The following LEKR1 variants were observed in gnomAD, a reference collection of about 807,000 sequenced individuals.
LEKR1 encodes protein LEKR1.
A neutral mutation model predicts 72.4 loss-of-function variants in LEKR1; 59 were observed. The ratio of observed to expected loss-of-function variants is 0.82; its 90% CI spans 0.66 to 1.01. LEKR1 has a LOEUF of 1.01. Among genes scored for constraint, LEKR1 ranks in the 50% least tolerant of loss-of-function variants. LEKR1 has a pLI of 0.00. For synonymous variants in LEKR1, 257 were observed against 263.2 expected (o/e 0.98, Z 0.23); for missense variants, 728 against 759.2 (o/e 0.96, Z 0.48).
chr3:156,931,436 A>T (rs1484260310), intron 5 of LEKR1, among the ~76,000 whole-genome samples: 2 of 152,176 alleles, frequency 1.3e-5, no homozygotes, highest in Non-Finnish European at 2.9e-5. Flanking sequence ...AATATCTGAC[A>T]GTTTCTCATT....
intron 6 of LEKR1, among the ~76,000 whole-genome samples, chr3:156,978,743 T>A (rs891161801): frequency 6.6e-6 from 1 of 152,140 alleles, no homozygotes. Context: ...TTCTTTACTA[T>A]GAGCCTGGAA....
chr3:156,985,331 T>A (rs1486747020), intron 7 of LEKR1, among the ~76,000 whole-genome samples: 1 of 152,090 alleles, frequency 6.6e-6, no homozygotes, highest in Non-Finnish European at 1.5e-5. Context: ...AGTTAAGATA[T>A]GAATAACAGA....
chr3:156,873,662 A>G (rs1025192468), intron 3 of LEKR1, among the ~76,000 whole-genome samples: 5 of 151,952 alleles, frequency 3.3e-5, no homozygotes, highest in African/African-American at 9.6e-5. Flanking sequence ...TTCCTTAAGC[A>G]TTTCTTGTAG....
At chr3:156,843,845 G>A (rs1022738862) in intron 2 of LEKR1, among the ~76,000 whole-genome samples, 2 of 152,032 alleles carry the variant, frequency 1.3e-5, no homozygotes, top group South Asian at 2.1e-4. Flanking sequence ...GTGTGTGTGT[G>A]GACGTTTATG....
intron 5 of LEKR1, among the ~76,000 whole-genome samples, chr3:156,931,117 ATAGT>A (rs1363961267): frequency 1.6e-4 from 25 of 152,270 alleles, no homozygotes; most frequent in Admixed American, 8.5e-4. Flanking sequence ...ATGAAAATGA[ATAGT>A]TAAATCAGAG....
intron 2 of LEKR1, among the ~76,000 whole-genome samples, chr3:156,842,641 A>G (rs973965449): frequency 3.3e-5 from 5 of 152,242 alleles, no homozygotes; most frequent in Non-Finnish European, 7.3e-5. Context: ...CAAAAAATGT[A>G]AAGGTGGTAG....
intron 3 of LEKR1, among the ~76,000 whole-genome samples, chr3:156,905,347 C>T (rs1187526799): frequency 6.6e-6 from 1 of 151,990 alleles, no homozygotes; most frequent in East Asian, 1.9e-4. Flanking sequence ...ACTATCCTAA[C>T]AGTAAGGGTA....
chr3:156,890,379 A>G (rs1264979955), intron 3 of LEKR1, among the ~76,000 whole-genome samples: 1 of 152,176 alleles, frequency 6.6e-6, no homozygotes, highest in Non-Finnish European at 1.5e-5. Flanking sequence ...CCTAAGAGCA[A>G]TCTAAATCAG....
intron 2 of LEKR1, among the ~76,000 whole-genome samples, chr3:156,848,224 G>A (rs963644786): frequency 2.6e-5 from 4 of 152,140 alleles, no homozygotes; most frequent in Non-Finnish European, 4.4e-5. Flanking sequence ...ATATTTCTGA[G>A]GGCTGATAGT....
At chr3:156,938,986 T>C (rs998887966) in intron 5 of LEKR1, among the ~76,000 whole-genome samples, 2 of 152,240 alleles carry the variant, frequency 1.3e-5, no homozygotes, top group Non-Finnish European at 2.9e-5. Context: ...TAGTGAATTA[T>C]GTGATAACAC....
At chr3:156,947,696 A>T (rs1263140441) in intron 6 of LEKR1, among the ~76,000 whole-genome samples, 1 of 151,144 alleles carries the variant, frequency 6.6e-6, no homozygotes, top group Non-Finnish European at 1.5e-5. Flanking sequence ...TTGAACCATA[A>T]GTCAGGAACT....
intron 10 of LEKR1, among the ~76,000 whole-genome samples, chr3:157,013,314 C>A (rs1733053239): frequency 6.6e-6 from 1 of 152,108 alleles, no homozygotes; most frequent in Admixed American, 6.6e-5. Context: ...AGATACACTT[C>A]ACTGGAGAAA....
intron 5 of LEKR1, among the ~76,000 whole-genome samples, chr3:156,931,901 T>G (rs1309178745): frequency 6.6e-6 from 1 of 151,848 alleles, no homozygotes; most frequent in Non-Finnish European, 1.5e-5. Flanking sequence ...TTGATAGGGG[T>G]TTTTATTACA....
At chr3:156,959,397 A>G (rs1230923881) in intron 6 of LEKR1, among the ~76,000 whole-genome samples, 1 of 152,168 alleles carries the variant, frequency 6.6e-6, no homozygotes, top group East Asian at 1.9e-4. Flanking sequence ...TGCATTGTTT[A>G]TATACTCTTT....
At chr3:156,846,221 T>C (rs376215873) in intron 2 of LEKR1, among the ~76,000 whole-genome samples, 7 of 152,280 alleles carry the variant, frequency 4.6e-5, no homozygotes, top group African/African-American at 1.7e-4. Flanking sequence ...TTATTGTCGA[T>C]TTCTTGGGAT....
At chr3:156,983,416 T>TA (rs1343770224) in intron 7 of LEKR1, among the ~76,000 whole-genome samples, 1 of 152,148 alleles carries the variant, frequency 6.6e-6, no homozygotes, top group East Asian at 1.9e-4. Context: ...TATATTACAG[T>TA]ATGGCCTCTC....
intron 3 of LEKR1, among the ~76,000 whole-genome samples, chr3:156,875,277 G>T (rs1410300245): frequency 6.6e-6 from 1 of 152,066 alleles, no homozygotes; most frequent in African/African-American, 2.4e-5. Flanking sequence ...CTGATAATTG[G>T]TGATGTTGAG....
At chr3:156,827,056 A>C (rs1446380185) in intron 1 of LEKR1, 2 of 153,156 alleles carry the variant, frequency 1.3e-5, no homozygotes, top group Admixed American at 1.3e-4. Flanking sequence ...CGGTCCACAT[A>C]CGTGCAATGA....
chr3:157,030,349 C>T (rs1297474941), intron 12 of LEKR1, among the ~76,000 whole-genome samples: 1 of 152,146 alleles, frequency 6.6e-6, no homozygotes, highest in Admixed American at 6.5e-5. Flanking sequence ...AACTTCCATA[C>T]CCCATAACAG....
Sources: gnomAD v4.1 joint callset for allele counts (sites outside exome capture counted in the v4.1 genomes callset) on GRCh38, gnomAD v4.1.1 for gene constraint, MANE v1.5 for transcripts, NCBI Gene and HGNC (gene_info 2026-07-23, HGNC 2026-07-21) for gene names.